LNX1: variants seen among roughly 807,000 people sequenced by gnomAD.
LNX1 encodes the protein ligand of numb-protein X 1.
LNX1 carries 54 observed loss-of-function variants against 68.4 expected under a neutral mutation model. The observed-to-expected ratio is 0.79, with a 90% CI of 0.63 to 0.99. The LOEUF is 0.99. LNX1 is among the 50% of genes least tolerant of loss of function. The probability of loss-of-function intolerance (pLI) is 0.00; values close to 1 mark genes in which losing one functional copy is unlikely to be tolerated. For synonymous variants in LNX1, 336 were observed against 350.0 expected, an observed-to-expected ratio of 0.96 and a Z score of 0.45; for missense variants, 906 against 926.4, an observed-to-expected ratio of 0.98 and a Z score of 0.29.
Position 53,573,996 on chromosome 4 carries a change from G to T in LNX1, c.7C>A (p.Gln3Lys). 6.2e-7 allele frequency: 1 copy of T among 1,609,412 alleles called. No individual in the cohort carries two copies. The highest frequency in any genetic ancestry group is 1.1e-5 in the South Asian group (1 of 90,088). ...TCAGGATCGTTGGCAGACTCTGGCT[G>T]GTTCATGATGGATTGGAGAGCAGTA... MN[Q>K]PESANDPEPL... Residue 3 changes from glutamine (Q) to lysine (K), a missense_variant, in exon 2 of 11, where the codon CAG becomes AAG. By Grantham distance (53) the Gln-to-Lys change is moderately conservative. Transcript: ENST00000263925.
At position 53,600,291 on chromosome 4, in the gene LNX1, C is replaced by T. The variant is rs554460016; in HGVS notation, c.-214-8776G>A. ...TAATAACTAGTAACATAAAGTGACT[C>T]GAGGACACATGCACACAAAAAAAAG... On this transcript the variant is annotated intron_variant, in intron 2 of 3. Transcript: ENST00000504299. Among the ~76,000 whole-genome samples, 12 of 152,090 alleles carry T rather than the reference C, an allele frequency of 7.9e-5. No individual in the cohort carries two copies. In the South Asian group the frequency reaches 2.1e-3, roughly 26 times the overall value.
intron 1 of LNX1, among the ~76,000 whole-genome samples, chr4:53,616,813 C>G (rs1198358869): frequency 1.3e-5 from 2 of 152,104 alleles, no homozygotes; most frequent in Non-Finnish European, 2.9e-5. Flanking sequence ...TTGATTCTCC[C>G]AAGATAACAT....
intron 1 of LNX1, among the ~76,000 whole-genome samples, chr4:53,633,299 G>T (rs191908281): frequency 6.6e-6 from 1 of 152,130 alleles, no homozygotes; most frequent in Non-Finnish European, 1.5e-5. Flanking sequence ...CCCCATCCAC[G>T]CATGGTTCTG....
chr4:53,551,345 T>C (rs1210465874), intron 2 of LNX1, among the ~76,000 whole-genome samples: 1 of 152,106 alleles, frequency 6.6e-6, no homozygotes, highest in Non-Finnish European at 1.5e-5. Context: ...CTCTCTAAAA[T>C]AATCATTGGT....
chr4:53,551,507 A>G (rs2117600), intron 2 of LNX1, among the ~76,000 whole-genome samples: 69,892 of 151,920 alleles, frequency 0.46, 16,337 homozygotes, highest in Admixed American at 0.48. Context: ...TGAATCCTCA[A>G]CTGATAAGGA....
intron 2 of LNX1, among the ~76,000 whole-genome samples, chr4:53,525,741 C>T (rs1282248282): frequency 6.6e-6 from 1 of 152,192 alleles, no homozygotes; most frequent in Non-Finnish European, 1.5e-5. Flanking sequence ...TGGATCAATG[C>T]TATGGTAGGC....
At chr4:53,520,779 TG>T (rs1727153946) in intron 2 of LNX1, among the ~76,000 whole-genome samples, 1 of 152,098 alleles carries the variant, frequency 6.6e-6, no homozygotes, top group African/African-American at 2.4e-5. Flanking sequence ...CTGGCCAACA[TG>T]GCAAAACCCC....
chr4:53,621,371 C>A (rs1253624097), upstream of LNX1, among the ~76,000 whole-genome samples: 1 of 152,162 alleles, frequency 6.6e-6, no homozygotes, highest in African/African-American at 2.4e-5. Context: ...GCCTGTGCAT[C>A]TTCAGTACTA....
chr4:53,549,150 AC>A (rs1472034176), intron 2 of LNX1, among the ~76,000 whole-genome samples: 1 of 152,090 alleles, frequency 6.6e-6, no homozygotes, highest in Non-Finnish European at 1.5e-5. Context: ...CTTGACATGT[AC>A]CCCCCAAATC....
chr4:53,623,038 T>C (rs1382696688), intron 1 of LNX1, among the ~76,000 whole-genome samples: 1 of 152,132 alleles, frequency 6.6e-6, no homozygotes, highest in Non-Finnish European at 1.5e-5. Context: ...TTTAATAACT[T>C]AACTTAGCTT....
chr4:53,640,727 A>G (rs1274034528), intron 1 of LNX1, among the ~76,000 whole-genome samples: 1 of 152,224 alleles, frequency 6.6e-6, no homozygotes, highest in Non-Finnish European at 1.5e-5. Flanking sequence ...GCTGGTTTGC[A>G]AAAGAAAACT....
chr4:53,477,069 G>T, intron 8 of LNX1, 88 bp from the exon 9 acceptor site: 2 of 1,109,200 alleles, frequency 1.8e-6, no homozygotes, highest in Non-Finnish European at 2.7e-6. Flanking sequence ...GGCTGACTGG[G>T]ATTGCAGGGA....
chr4:53,591,655 A>G, upstream of LNX1: 1 of 853,116 alleles, frequency 1.2e-6, no homozygotes. Context: ...TTACCTGAAT[A>G]CCTGCAAGCA....
chr4:53,545,802 A>ATTTTT, intron 2 of LNX1, among the ~76,000 whole-genome samples: 1 of 111,628 alleles, frequency 9.0e-6, no homozygotes, highest in Non-Finnish European at 1.8e-5. Flanking sequence ...CAGAGGCCAC[A>ATTTTT]TTTTTTTTTT....
chr4:53,552,697 C>G (rs1479974919), intron 2 of LNX1, among the ~76,000 whole-genome samples: 3 of 151,924 alleles, frequency 2.0e-5, no homozygotes, highest in African/African-American at 7.3e-5. Context: ...GACGTAGTGG[C>G]AGGTGCCTGT....
chr4:53,595,264 C>T (rs1400132670), upstream of LNX1, among the ~76,000 whole-genome samples: 1 of 152,036 alleles, frequency 6.6e-6, no homozygotes, highest in Non-Finnish European at 1.5e-5. Flanking sequence ...AAGAGGAATA[C>T]GAGACAATGA....
At chr4:53,532,501 C>T (rs1281292717) in intron 2 of LNX1, among the ~76,000 whole-genome samples, 1 of 151,966 alleles carries the variant, frequency 6.6e-6, no homozygotes, top group Non-Finnish European at 1.5e-5. Flanking sequence ...TACCTGGTGA[C>T]ACAAAACCGT....
In LNX1 at chr4:53,508,305, A is replaced by G. The variant is rs1726073334; in HGVS notation, c.381-78T>C. ...CCTCAGTCAGCCCTCTTCAAATACA[A>G]TTGAAGAATGTATAATAGGCTTGTT... is the stretch of plus-strand genomic sequence containing the variant. On this transcript the variant is annotated intron_variant, in intron 2 of 10. Transcript: ENST00000263925. 5 of 1,518,840 alleles carry G rather than the reference A, an allele frequency of 3.3e-6. No homozygotes were observed. In the Admixed American group the frequency reaches 5.6e-5, roughly 17 times the overall value. 94.1% of individuals were successfully genotyped at this position (1,518,840 alleles called of 1,614,324 possible). A position where few individuals can be genotyped will look rare whatever the true frequency, so the allele number is the denominator to read the frequency against.
At chr4:53,614,592 C>T (rs1733617388) in intron 2 of LNX1, among the ~76,000 whole-genome samples, 1 of 152,156 alleles carries the variant, frequency 6.6e-6, no homozygotes, top group South Asian at 2.1e-4. Flanking sequence ...AGGAAAATGA[C>T]CAATTGCTCT....
Sources: gnomAD v4.1 joint callset for allele counts (sites outside exome capture counted in the v4.1 genomes callset) on GRCh38, gnomAD v4.1.1 for gene constraint, MANE v1.5 for transcripts, NCBI Gene and HGNC (gene_info 2026-07-23, HGNC 2026-07-21) for gene names.